The following PLEKHG3 variants were observed in gnomAD, a reference collection of about 807,000 sequenced individuals.
The protein encoded by PLEKHG3 is pleckstrin homology domain-containing family G member 3.
In PLEKHG3, 62 loss-of-function variants were observed where a neutral mutation model predicts 94.9. That is an observed-to-expected ratio of 0.65 (90% CI 0.53 to 0.81). PLEKHG3 has a LOEUF of 0.81. Ranked by LOEUF, PLEKHG3 falls within the 30% of genes least tolerant of loss-of-function variation. The pLI, the probability that PLEKHG3 is intolerant of heterozygous loss-of-function variation, is 0.00. For missense variants in PLEKHG3, 1,461 were observed against 1,619.3 expected (o/e 0.90, Z 1.68); for synonymous variants, 614 against 654.0 (o/e 0.94, Z 0.93).
In PLEKHG3 at chr14:64,741,553, A is replaced by T; in HGVS notation, c.2036A>T (p.Asp679Val). 1 of 1,612,984 alleles carries T rather than the reference A, an allele frequency of 6.2e-7. No homozygotes were observed. Among genetic ancestry groups the T allele is most frequent in the Non-Finnish European group, 8.5e-7 (1 of 1,180,018 alleles). The change falls in exon 16 of 17, where the codon GAC becomes GTC. Residue 679 changes from aspartate (D) to valine (V), a missense_variant. Around this residue, in one of 3 missense-constraint regions of PLEKHG3, gnomAD observed 1,201 missense variants for 1,295.5 expected, o/e 0.93. Transcript: ENST00000247226. ...ATCAGTGTGGGGGTGGCCACAGAGG[A>T]CAGCCCTTCTGTCAATGGGATGGAG... The part of the protein sequence containing the change: ...VDISVGVATE[D>V]SPSVNGMEPP...
rs896563192 is a variant in PLEKHG3, at chr14:64,732,888, G to A, written c.1332G>A (p.Gly444=). 5 of 1,605,306 alleles carry A rather than the reference G, an allele frequency of 3.1e-6. No individual in the cohort carries two copies. Among genetic ancestry groups the A allele is most frequent in the Non-Finnish European group, 2.6e-6 (3 of 1,175,802 alleles). Residue 444 remains glycine, a synonymous_variant, in exon 12 of 17, where the codon GGG becomes GGA. Coordinates refer to ENST00000247226, the MANE Select transcript of PLEKHG3 (RefSeq NM_001308147.2). This position sits in a 1 kb window ranked among gnomAD's most constrained non-coding sequence, Gnocchi z 4.9. ...AGGTGTCCACCAATGTGCGCCAGGG[G>A]CGCCGGCAATCTGGTAAGAGAAGGG... ...QDEVSTNVRQ[G]RRQSEPTKHL...
In PLEKHG3 at chr14:64,743,881, A is replaced by G; in HGVS notation, c.*178A>G. Reference sequence around the variant, plus strand: ...TGTGCAGGGGTCTCCTGCCTGTGCCATCCACTGGGGCTCGAGACAATTTCC... The same window carrying G: ...TGTGCAGGGGTCTCCTGCCTGTGCCGTCCACTGGGGCTCGAGACAATTTCC... On this transcript the variant is annotated 3_prime_UTR_variant, in exon 17 of 17. Transcript: ENST00000247226. This position sits in a 1 kb window ranked among gnomAD's most constrained non-coding sequence, Gnocchi z 7.2. 1.7e-6 allele frequency: 1 copy of G among 587,868 alleles called. No individual in the cohort carries two copies. 36.4% of individuals were successfully genotyped at this position (587,868 alleles called of 1,614,324 possible). A position where few individuals can be genotyped will look rare whatever the true frequency, so the allele number is the denominator to read the frequency against.
Position 64,747,371 on chromosome 14 carries a change from TCA to T in PLEKHG3, c.*3670_*3671del, listed in dbSNP as rs1357886340. ...CTACTTTATTGCTAGGTGAGTGCAGTCACCTCACTGCCTTGGTTTCCCCAGAT... is the reference window on the plus strand; with the variant it reads ...CTACTTTATTGCTAGGTGAGTGCAGTCCTCACTGCCTTGGTTTCCCCAGAT... On this transcript the variant is annotated 3_prime_UTR_variant, in exon 17 of 17. Coordinates refer to ENST00000247226, the MANE Select transcript of PLEKHG3 (RefSeq NM_001308147.2). The T allele has an allele frequency of 6.5e-6, 1 of 152,672 alleles. No individual in the cohort carries two copies. Among genetic ancestry groups the T allele is most frequent in the Non-Finnish European group, 1.5e-5 (1 of 68,058 alleles). The allele number at this position is 152,672 out of a possible 1,614,324, so 9.5% of individuals were successfully genotyped here.
At position 64,741,505 on chromosome 14, in the gene PLEKHG3, G is replaced by A. The variant is rs201739113; in HGVS notation, c.1988G>A (p.Cys663Tyr). The A allele has an allele frequency of 6.2e-7, 1 of 1,612,920 alleles. No homozygotes were observed. Among genetic ancestry groups the A allele is most frequent in the Non-Finnish European group, 8.5e-7 (1 of 1,180,016 alleles). The change falls in exon 16 of 17, where the codon TGT becomes TAT. Residue 663 changes from cysteine (C) to tyrosine (Y), a missense_variant. Transcript: ENST00000247226. ...RHGSATDSLS[C>Y]QLSPEVDISV... ...GGCAGTGCCACAGACTCCCTCAGCT[G>A]TCAGCTCTCCCCAGAAGTGGACATC...
chr14:64,743,792 C>A lies in PLEKHG3; in HGVS notation c.*89C>A. 1.5e-6 allele frequency: 2 copies of A among 1,374,848 alleles called. No homozygotes were observed. The highest frequency in any genetic ancestry group is 1.9e-6 in the Non-Finnish European group (2 of 1,034,450). The allele number at this position is 1,374,848 out of a possible 1,614,324, so 85.2% of individuals were successfully genotyped here. A position where few individuals can be genotyped will look rare whatever the true frequency, so the allele number is the denominator to read the frequency against. On this transcript the variant is annotated 3_prime_UTR_variant, in exon 17 of 17. Coordinates refer to ENST00000247226, the MANE Select transcript of PLEKHG3 (RefSeq NM_001308147.2). The surrounding 1 kb of genome is among the most constrained non-coding windows in gnomAD (Gnocchi z 7.2). The stretch of plus-strand genomic sequence containing the variant: ...CCTCAAGCCTGGGCTCATGGAGCCC[C>A]TGCCCAGGGCCCTCAGGTGGGCGGA...
At position 64,742,410 on chromosome 14, in the gene PLEKHG3, G is replaced by T. The variant is rs1179567734; in HGVS notation, c.2893G>T (p.Val965Leu). 6.2e-7 allele frequency: 1 copy of T among 1,612,642 alleles called. No individual in the cohort carries two copies. The highest frequency in any genetic ancestry group is 2.2e-5 in the East Asian group (1 of 44,880). The change falls in exon 16 of 17, where the codon GTG (valine) becomes TTG (leucine). Residue 965 changes from valine to leucine, a missense_variant. Transcript: ENST00000247226. ...TGAGAGGGATGGGAAGAGCCCCACT[G>T]TGCCCTGTCTACAGGAAGAGGCTGG... Reference protein sequence around the residue: ...APERDGKSPTVPCLQEEAGEP... With the variant: ...APERDGKSPTLPCLQEEAGEP...
rs746230543 is a variant in PLEKHG3 at position 64,741,426 on chromosome 14, C to T, written c.1909C>T (p.Arg637Trp). 2.4e-5 allele frequency: 39 copies of T among 1,612,654 alleles called. No homozygotes were observed. The highest frequency in any genetic ancestry group is 8.9e-5 in the East Asian group (4 of 44,882). ...CTTTGGGAGCCCGCGGCTGGTCAGCCGGAGCAGCAGCGTGCTCAGCCTGGA... is the reference window on the plus strand; with the variant it reads ...CTTTGGGAGCCCGCGGCTGGTCAGCTGGAGCAGCAGCGTGCTCAGCCTGGA... ...SGFGSPRLVS[R>W]SSSVLSLEGS... Residue 637 changes from arginine to tryptophan, a missense_variant, in exon 16 of 17, where the codon CGG becomes TGG. Arg to Trp is a moderately radical substitution (Grantham distance 101). Around this residue, in one of 3 missense-constraint regions of PLEKHG3, gnomAD observed 1,201 missense variants for 1,295.5 expected, o/e 0.93. Coordinates refer to ENST00000247226, the MANE Select transcript of PLEKHG3 (RefSeq NM_001308147.2).
chr14:64,736,969 G>A, intron 13 of PLEKHG3, 78 bp downstream of exon 13: 1 of 1,053,338 alleles, frequency 9.5e-7, no homozygotes, highest in Non-Finnish European at 1.5e-6. Context: ...GACAACCTGG[G>A]GTGTGACCTG....
intron 1 of PLEKHG3, among the ~76,000 whole-genome samples, chr14:64,711,499 C>T (rs1265529093): frequency 4.0e-5 from 6 of 151,898 alleles, no homozygotes; most frequent in Non-Finnish European, 7.4e-5. Flanking sequence ...CTGCAAGCTC[C>T]GTCTCCCGTG....
At chr14:64,729,220 G>A (rs1012201551) in intron 3 of PLEKHG3, 127 bp downstream of exon 3, 14 of 560,782 alleles carry the variant, frequency 2.5e-5, no homozygotes, top group Non-Finnish European at 4.1e-5. Context: ...TGATCTCTGA[G>A]GACAGGGAAG....
intron 1 of PLEKHG3, among the ~76,000 whole-genome samples, chr14:64,707,372 A>G (rs1191588021): frequency 6.6e-6 from 1 of 152,098 alleles, no homozygotes; most frequent in Non-Finnish European, 1.5e-5. Context: ...TCCTCCCAGT[A>G]CTCATGCCCC....
chr14:64,734,716 T>C (rs771804611), intron 12 of PLEKHG3, among the ~76,000 whole-genome samples: 36 of 135,974 alleles, frequency 2.6e-4, no homozygotes, highest in African/African-American at 3.3e-4. Context: ...CTCCCTCCCT[T>C]CCTTCCTTCC....
Position 64,732,533 on chromosome 14 carries a change from G to A in PLEKHG3, c.1246+73G>A. On this transcript the variant is annotated intron_variant, in intron 11 of 16. Transcript: ENST00000247226. This position sits in a 1 kb window ranked among gnomAD's most constrained non-coding sequence, Gnocchi z 4.9. ...CTAGGTCAGGCTGCATCCTGGGGAA[G>A]CTTTACCTGATAATTTTATTCCAGG... The A allele has an allele frequency of 7.3e-7, 1 of 1,366,608 alleles. No individual in the cohort carries two copies. Among genetic ancestry groups the A allele is most frequent in the South Asian group, 1.2e-5 (1 of 85,958 alleles). The allele number at this position is 1,366,608 out of a possible 1,614,324, so 84.7% of individuals were successfully genotyped here.
In PLEKHG3 at chr14:64,749,216, C is replaced by A. The variant is rs1216828555; in HGVS notation, c.*5513C>A. 4.8e-6 allele frequency: 7 copies of A among 1,473,560 alleles called. No individual in the cohort carries two copies. The highest frequency in any genetic ancestry group is 2.5e-5 in the East Asian group (1 of 39,836). The allele number at this position is 1,473,560 out of a possible 1,614,324, so 91.3% of individuals were successfully genotyped here. On this transcript the variant is annotated 3_prime_UTR_variant, in exon 17 of 17. Transcript: ENST00000247226. The surrounding 1 kb of genome is among the most constrained non-coding windows in gnomAD (Gnocchi z 4.7). ...GCCCGCGACTCGACTCATCTCGATT[C>A]GACCGGCGGGCGGCGGCGAGAGGAG...
In PLEKHG3 at chr14:64,716,162, C is replaced by A. The variant is rs2081141689; in HGVS notation, c.-39-11431C>A. On this transcript the variant is annotated intron_variant, in intron 1 of 16. Transcript: ENST00000247226. The surrounding 1 kb of genome is among the most constrained non-coding windows in gnomAD (Gnocchi z 5.0). Reference sequence around the variant, plus strand: ...GGATGGGGACTCTTTCAACTCCGGGCCTCTAAGCCTTGCCGGACTTCCCCC... The same window carrying A: ...GGATGGGGACTCTTTCAACTCCGGGACTCTAAGCCTTGCCGGACTTCCCCC... 2.5e-6 allele frequency: 1 copy of A among 405,164 alleles called. No homozygotes were observed. Among genetic ancestry groups the A allele is most frequent in the East Asian group, 7.5e-5 (1 of 13,346 alleles). The allele number at this position is 405,164 out of a possible 1,614,324, so 25.1% of individuals were successfully genotyped here. A position where few individuals can be genotyped will look rare whatever the true frequency, so the allele number is the denominator to read the frequency against.
chr14:64,736,179 G>T (rs2081565048), intron 12 of PLEKHG3, among the ~76,000 whole-genome samples: 1 of 152,214 alleles, frequency 6.6e-6, no homozygotes, highest in Admixed American at 6.5e-5. Flanking sequence ...TTGAGACAAG[G>T]TCCTCTTATT....
rs1415191711 is a variant in PLEKHG3, at chr14:64,716,550, C to CACACAA, written c.-39-11042_-39-11041insCACAAA. Among the ~76,000 whole-genome samples, 5 of 142,732 alleles carry CACACAA rather than the reference C, an allele frequency of 3.5e-5. No individual in the cohort carries two copies. The South Asian group carries it at 9.0e-4, about 26-fold the overall frequency. 93.6% of individuals were successfully genotyped at this position (142,732 alleles called of 152,430 possible). ...ACACACACACACACACACACACACA[C>CACACAA]AAAGCAGAGTTAATCTCCCACTTCT... On this transcript the variant is annotated intron_variant, in intron 1 of 16. Transcript: ENST00000247226. The surrounding 1 kb of genome is among the most constrained non-coding windows in gnomAD (Gnocchi z 5.0).
Position 64,749,403 on chromosome 14 carries a change from G to A in PLEKHG3, c.*5700G>A, listed in dbSNP as rs780786493. 1.1e-5 allele frequency: 18 copies of A among 1,608,070 alleles called. No homozygotes were observed. Among genetic ancestry groups the A allele is most frequent in the South Asian group, 8.8e-5 (8 of 91,028 alleles). ...GAGGGAAGGCAGGGGCAGGCTCTGC[G>A]CCTTGACGCGGATGCTCTGGGACTC... is the stretch of plus-strand genomic sequence containing the variant. On this transcript the variant is annotated 3_prime_UTR_variant, in exon 17 of 17. Coordinates refer to ENST00000247226, the MANE Select transcript of PLEKHG3 (RefSeq NM_001308147.2). The surrounding 1 kb of genome is among the most constrained non-coding windows in gnomAD (Gnocchi z 4.7).
In PLEKHG3 at chr14:64,716,018, T is replaced by G. The variant is rs1594665164; in HGVS notation, c.-40+11314T>G. 1 of 456,098 alleles carries G rather than the reference T, an allele frequency of 2.2e-6. No individual in the cohort carries two copies. Among genetic ancestry groups the G allele is most frequent in the South Asian group, 1.5e-5 (1 of 64,544 alleles). The allele number at this position is 456,098 out of a possible 1,614,324, so 28.3% of individuals were successfully genotyped here. On this transcript the variant is annotated intron_variant, in intron 1 of 16. Transcript: ENST00000247226. This position sits in a 1 kb window ranked among gnomAD's most constrained non-coding sequence, Gnocchi z 5.0. ...AGCCTGTTAACTGCTAGGTTGCCGG[T>G]GCTGGGGACAATGCGGCTGCCCGGC...
Sources: allele counts gnomAD v4.1 joint callset (sites outside exome capture counted in the v4.1 genomes callset), GRCh38; gene constraint gnomAD v4.1.1; regional missense constraint gnomAD v4.1.1; non-coding constraint Gnocchi (gnomAD v3.1); transcripts MANE v1.5; gene names NCBI Gene and HGNC (gene_info 2026-07-23, HGNC 2026-07-21).